NEMP2: variants seen among roughly 807,000 people sequenced by gnomAD.
NEMP2 encodes the protein UPF0571 transmembrane protein.
In NEMP2, 53 loss-of-function variants were observed where a neutral mutation model predicts 54.2. That is an observed-to-expected ratio of 0.98 (90% CI 0.78 to 1.23). NEMP2 has a LOEUF of 1.23. NEMP2 is among the 50% of genes most tolerant of loss of function. The pLI is 0.00. For synonymous variants in NEMP2, 197 were observed against 190.3 expected, an observed-to-expected ratio of 1.04 and a Z score of -0.29; for missense variants, 455 against 511.3, an observed-to-expected ratio of 0.89 and a Z score of 1.06.
the NEMP2 span, among the ~76,000 whole-genome samples, chr2:190,443,727 G>C: frequency 6.6e-6 from 1 of 152,136 alleles, no homozygotes; most frequent in Admixed American, 6.5e-5. The surrounding 1 kb of genome is among the most constrained non-coding windows in gnomAD (Gnocchi z 4.2). Context: ...TTATATAATA[G>C]AATCTTTTGC....
the NEMP2 span, among the ~76,000 whole-genome samples, chr2:190,483,036 C>T: frequency 2.6e-5 from 4 of 150,968 alleles, no homozygotes; most frequent in African/African-American, 4.9e-5. Context: ...GGACTACAGG[C>T]GCCTGCCACC....
the NEMP2 span, among the ~76,000 whole-genome samples, chr2:190,585,506 G>A: frequency 2.0e-5 from 3 of 152,134 alleles, no homozygotes; most frequent in Non-Finnish European, 4.4e-5. The surrounding 1 kb of genome is among the most constrained non-coding windows in gnomAD (Gnocchi z 5.3). Context: ...CCAGATGCAT[G>A]GCTCAGTGAG....
chr2:190,541,768 T>C, the NEMP2 span, among the ~76,000 whole-genome samples: 2 of 152,338 alleles, frequency 1.3e-5, no homozygotes, highest in East Asian at 3.9e-4. This position sits in a 1 kb window ranked among gnomAD's most constrained non-coding sequence, Gnocchi z 5.2. Context: ...TCCTGTAAGA[T>C]GGGGCTGGTG....
At chr2:190,543,847 T>C in the NEMP2 span, among the ~76,000 whole-genome samples, 1 of 152,240 alleles carries the variant, frequency 6.6e-6, no homozygotes, top group Non-Finnish European at 1.5e-5. This position sits in a 1 kb window ranked among gnomAD's most constrained non-coding sequence, Gnocchi z 4.7. Context: ...CTCTGCTTTT[T>C]TATTTCTATG....
chr2:190,497,194 T>C, the NEMP2 span, among the ~76,000 whole-genome samples: 1 of 152,114 alleles, frequency 6.6e-6, no homozygotes, highest in Non-Finnish European at 1.5e-5. The surrounding 1 kb of genome is among the most constrained non-coding windows in gnomAD (Gnocchi z 5.2). Context: ...AAATGAAAAA[T>C]ATATTTCTTA....
chr2:190,466,221 A>C, the NEMP2 span, among the ~76,000 whole-genome samples: 1 of 152,160 alleles, frequency 6.6e-6, no homozygotes, highest in African/African-American at 2.4e-5. Flanking sequence ...AAATACAATC[A>C]CATTTTGAGG....
the NEMP2 span, among the ~76,000 whole-genome samples, chr2:190,570,576 A>G: frequency 6.6e-6 from 1 of 152,136 alleles, no homozygotes; most frequent in East Asian, 1.9e-4. The surrounding 1 kb of genome is among the most constrained non-coding windows in gnomAD (Gnocchi z 5.4). Flanking sequence ...CCACACCCCA[A>G]AGACAGGATG....
At chr2:190,639,648 T>TG in the NEMP2 span, among the ~76,000 whole-genome samples, 4 of 146,702 alleles carry the variant, frequency 2.7e-5, no homozygotes, top group Non-Finnish European at 6.1e-5. Context: ...TTTTTTTTTT[T>TG]GTTTTTTGTT....
chr2:190,645,649 A>T, the NEMP2 span, among the ~76,000 whole-genome samples: 1 of 152,384 alleles, frequency 6.6e-6, no homozygotes, highest in South Asian at 2.1e-4. Context: ...TAGCCACTGA[A>T]TATACAGCAG....
the NEMP2 span, chr2:190,469,909 TA>T: frequency 7.4e-7 from 1 of 1,344,556 alleles, no homozygotes; most frequent in Non-Finnish European, 1.1e-6. This position sits in a 1 kb window ranked among gnomAD's most constrained non-coding sequence, Gnocchi z 5.3. Flanking sequence ...GAGCTGTGGC[TA>T]AAAGCCCAGT....
chr2:190,635,145 T>C, the NEMP2 span, among the ~76,000 whole-genome samples: 1 of 152,190 alleles, frequency 6.6e-6, no homozygotes, highest in South Asian at 2.1e-4. The surrounding 1 kb of genome is among the most constrained non-coding windows in gnomAD (Gnocchi z 4.1). Flanking sequence ...GCAACAATGG[T>C]TGTTGTTTCC....
rs1438330330 is a variant in NEMP2, at chr2:190,521,682, C to G, written c.214-2499G>C. Among the ~76,000 whole-genome samples, 2 of 152,214 alleles carry G rather than the reference C, an allele frequency of 1.3e-5. No homozygotes were observed. Among genetic ancestry groups the G allele is most frequent in the East Asian group, 3.8e-4 (2 of 5,196 alleles). ...CAATCAGGATTTCATTCCTAAAAGGCCACCCTGACAAGGTCACTGGTGCTT... is the reference window on the plus strand; with the variant it reads ...CAATCAGGATTTCATTCCTAAAAGGGCACCCTGACAAGGTCACTGGTGCTT... On this transcript the variant is annotated intron_variant, in intron 2 of 8. Coordinates refer to ENST00000409150, the MANE Select transcript of NEMP2 (RefSeq NM_001142645.2). This position sits in a 1 kb window ranked among gnomAD's most constrained non-coding sequence, Gnocchi z 6.2.
the NEMP2 span, among the ~76,000 whole-genome samples, chr2:190,595,503 C>T: frequency 9.2e-5 from 14 of 152,000 alleles, no homozygotes; most frequent in African/African-American, 3.4e-4. This position sits in a 1 kb window ranked among gnomAD's most constrained non-coding sequence, Gnocchi z 4.0. Flanking sequence ...GTAATCTATC[C>T]ATCTGACAAA....
At chr2:190,437,573 C>T in the NEMP2 span, 1 of 1,602,088 alleles carries the variant, frequency 6.2e-7, no homozygotes, top group Non-Finnish European at 8.5e-7. The surrounding 1 kb of genome is among the most constrained non-coding windows in gnomAD (Gnocchi z 5.9). Flanking sequence ...TAAGAACATG[C>T]TTACGATTGC....
the NEMP2 span, among the ~76,000 whole-genome samples, chr2:190,583,060 C>A: frequency 6.6e-6 from 1 of 152,132 alleles, no homozygotes; most frequent in Non-Finnish European, 1.5e-5. Flanking sequence ...GATTATAAGA[C>A]CTATCCTGAA....
the NEMP2 span, among the ~76,000 whole-genome samples, chr2:190,480,571 C>A: frequency 6.6e-6 from 1 of 152,206 alleles, no homozygotes; most frequent in South Asian, 2.1e-4. Context: ...TTAATTAGTA[C>A]TTATACCCTC....
the NEMP2 span, among the ~76,000 whole-genome samples, chr2:190,434,675 G>A: frequency 3.9e-5 from 6 of 152,116 alleles, no homozygotes; most frequent in African/African-American, 1.4e-4. The surrounding 1 kb of genome is among the most constrained non-coding windows in gnomAD (Gnocchi z 4.3). Flanking sequence ...CTCATGATCC[G>A]CCCCCCTCAG....
At chr2:190,575,601 T>A in the NEMP2 span, among the ~76,000 whole-genome samples, 5 of 152,192 alleles carry the variant, frequency 3.3e-5, no homozygotes, top group Non-Finnish European at 7.3e-5. Flanking sequence ...GGATATTGCT[T>A]GAAGGAAAGG....
the NEMP2 span, among the ~76,000 whole-genome samples, chr2:190,618,382 A>T: frequency 6.6e-6 from 1 of 152,172 alleles, no homozygotes; most frequent in Non-Finnish European, 1.5e-5. Flanking sequence ...TCTCACAAGG[A>T]TCAATGACAC....
Sources: allele counts gnomAD v4.1 joint callset (sites outside exome capture counted in the v4.1 genomes callset), GRCh38; gene constraint gnomAD v4.1.1; non-coding constraint Gnocchi (gnomAD v3.1); transcripts MANE v1.5; gene names NCBI Gene and HGNC (gene_info 2026-07-23, HGNC 2026-07-21).